The following INPP4B variants were observed in gnomAD, a reference collection of about 807,000 sequenced individuals.
INPP4B encodes inositol polyphosphate-4-phosphatase type II B.
Under a neutral mutation model 122.5 loss-of-function variants are expected in INPP4B, and 55 were observed. The ratio of observed to expected loss-of-function variants is 0.45; its 90% CI spans 0.36 to 0.56. INPP4B has a LOEUF of 0.56. Among genes scored for constraint, INPP4B ranks in the 20% least tolerant of loss-of-function variants. The pLI, the probability that INPP4B is intolerant of heterozygous loss-of-function variation, is 0.00. For missense variants in INPP4B, 1,000 were observed against 1,097.7 expected (o/e 0.91, Z 1.26); for synonymous variants, 403 against 388.7 (o/e 1.04, Z -0.43).
rs759081013 is a variant in INPP4B at position 142,560,075 on chromosome 4, C to G, written c.-190-97349G>C. 2.0e-5 allele frequency among the ~76,000 whole-genome samples: 3 copies of G among 152,130 alleles called. No individual in the cohort carries two copies. The East Asian group carries it at 5.8e-4, about 29-fold the overall frequency. ...ATAAGCAGCAGGAAATAAACATAAA[C>G]AAATAGTTCCTCTCCAATTTCACAG... On this transcript the variant is annotated intron_variant, in intron 2 of 25. Coordinates refer to ENST00000262992, the MANE Select transcript of INPP4B (RefSeq NM_001101669.3).
intron 2 of INPP4B, among the ~76,000 whole-genome samples, chr4:142,721,776 G>A (rs769956402): frequency 1.3e-5 from 2 of 152,092 alleles, no homozygotes; most frequent in East Asian, 1.9e-4. Flanking sequence ...AGCCGAGATC[G>A]CGCCACTGCA....
intron 3 of INPP4B, among the ~76,000 whole-genome samples, chr4:142,442,031 A>AT (rs1490897116): frequency 1.3e-5 from 2 of 151,910 alleles, no homozygotes; most frequent in East Asian, 3.9e-4. Flanking sequence ...CAATGGCTTT[A>AT]TTTTTTTTCT....
At chr4:142,164,159 A>G (rs1821526834) in intron 16 of INPP4B, among the ~76,000 whole-genome samples, 1 of 151,908 alleles carries the variant, frequency 6.6e-6, no homozygotes, top group Admixed American at 6.6e-5. Context: ...ATCTGCAAGT[A>G]TAAAACTACT....
At chr4:142,611,948 C>T (rs1160319566) in intron 2 of INPP4B, among the ~76,000 whole-genome samples, 3 of 152,138 alleles carry the variant, frequency 2.0e-5, no homozygotes, top group Non-Finnish European at 2.9e-5. Flanking sequence ...GGATTATAGG[C>T]GTGAGCCACT....
chr4:142,329,792 A>G (rs1313180923), intron 7 of INPP4B, among the ~76,000 whole-genome samples: 1 of 152,228 alleles, frequency 6.6e-6, no homozygotes, highest in Non-Finnish European at 1.5e-5. Context: ...GAGGTTAATA[A>G]TGCTCAACTA....
chr4:142,075,934 A>T (rs1192003987), intron 25 of INPP4B, among the ~76,000 whole-genome samples: 1 of 152,190 alleles, frequency 6.6e-6, no homozygotes, highest in Middle Eastern at 3.4e-3. Context: ...TATTTGTTTC[A>T]ATTAGATTCA....
At chr4:142,829,640 A>G (rs888273149) in intron 1 of INPP4B, among the ~76,000 whole-genome samples, 61 of 152,316 alleles carry the variant, frequency 4.0e-4, no homozygotes, top group Non-Finnish European at 7.8e-4. Context: ...CTTAATCGTA[A>G]CAATAGAAGC....
intron 23 of INPP4B, 96 bp downstream of exon 23, chr4:142,107,997 C>T (rs1307578130): frequency 4.5e-6 from 3 of 664,656 alleles, no homozygotes; most frequent in Admixed American, 2.9e-5. Flanking sequence ...ATCCCTACCC[C>T]TGCTTCTGTA....
chr4:142,644,637 CT>C (rs1751310731), intron 2 of INPP4B, among the ~76,000 whole-genome samples: 1 of 150,422 alleles, frequency 6.6e-6, no homozygotes, highest in Admixed American at 6.7e-5. Context: ...CAGCTCATGC[CT>C]GTAATCCCAG....
chr4:142,540,530 C>T (rs1828817060), intron 2 of INPP4B, among the ~76,000 whole-genome samples: 1 of 152,066 alleles, frequency 6.6e-6, no homozygotes, highest in Admixed American at 6.6e-5. Flanking sequence ...TCTCTGTTTT[C>T]TCCAACTATT....
At chr4:142,595,783 C>G (rs1293136573) in intron 2 of INPP4B, among the ~76,000 whole-genome samples, 1 of 152,130 alleles carries the variant, frequency 6.6e-6, no homozygotes, top group African/African-American at 2.4e-5. Flanking sequence ...GGTCACTTAG[C>G]ATCATTTTCC....
At chr4:142,367,011 C>G (rs1016082241) in intron 7 of INPP4B, among the ~76,000 whole-genome samples, 1 of 152,060 alleles carries the variant, frequency 6.6e-6, no homozygotes, top group Non-Finnish European at 1.5e-5. Context: ...CAGTACTGCT[C>G]ACCCCTACTG....
intron 11 of INPP4B, among the ~76,000 whole-genome samples, chr4:142,251,419 A>G (rs1447786042): frequency 6.6e-6 from 1 of 152,204 alleles, no homozygotes; most frequent in Admixed American, 6.5e-5. Context: ...CTAAAGGTTT[A>G]GTCAACTTTC....
intron 2 of INPP4B, among the ~76,000 whole-genome samples, chr4:142,644,713 C>A (rs1189960914): frequency 7.2e-6 from 1 of 139,006 alleles, no homozygotes; most frequent in Admixed American, 7.5e-5. Flanking sequence ...ACCAGTCTGG[C>A]CAACATGGCA....
At chr4:142,260,239 C>G (rs1381287738) in intron 11 of INPP4B, among the ~76,000 whole-genome samples, 1 of 152,178 alleles carries the variant, frequency 6.6e-6, no homozygotes, top group African/African-American at 2.4e-5. Context: ...CCGCCTCGGC[C>G]TCCCAAAGTG....
At position 142,360,763 on chromosome 4, in the gene INPP4B, T is replaced by C. The variant is rs74610114; in HGVS notation, c.372+42175A>G. 9.7e-3 allele frequency among the ~76,000 whole-genome samples: 1,480 copies of C among 152,076 alleles called. 24 individuals are homozygous for C. Among genetic ancestry groups the C allele is most frequent in the African/African-American group, 0.034 (1,420 of 41,532 alleles). ...CTACAATGATGGAATGCCATTTAAT[T>C]ATGTCAATTCACAAAAATAGTGATT... is the stretch of plus-strand genomic sequence containing the variant. On this transcript the variant is annotated intron_variant, in intron 7 of 25. Transcript: ENST00000262992.
intron 2 of INPP4B, among the ~76,000 whole-genome samples, chr4:142,508,341 T>C (rs766322093): frequency 2.8e-4 from 42 of 152,276 alleles, no homozygotes; most frequent in Middle Eastern, 3.4e-3. Context: ...AGTGGCGCAA[T>C]TGGCTCCCTG....
intron 12 of INPP4B, among the ~76,000 whole-genome samples, chr4:142,211,950 T>C (rs770508016): frequency 1.3e-5 from 2 of 152,092 alleles, no homozygotes; most frequent in African/African-American, 4.8e-5. Context: ...ATATAGTTAA[T>C]GGTGTTAAGA....
chr4:142,200,544 C>A (rs905517919), intron 14 of INPP4B, among the ~76,000 whole-genome samples: 4 of 151,854 alleles, frequency 2.6e-5, no homozygotes, highest in African/African-American at 9.7e-5. Flanking sequence ...TCCTTATCTG[C>A]CTCTATTCTT....
Sources: allele counts gnomAD v4.1 joint callset (sites outside exome capture counted in the v4.1 genomes callset), GRCh38; gene constraint gnomAD v4.1.1; transcripts MANE v1.5; gene names NCBI Gene and HGNC (gene_info 2026-07-23, HGNC 2026-07-21).